The following CCDC7 variants were observed in gnomAD, a reference collection of about 807,000 sequenced individuals.
CCDC7 encodes the protein coiled-coil domain-containing protein 7.
CCDC7 carries 183 observed loss-of-function variants against 196.9 expected under a neutral mutation model. That is an observed-to-expected ratio of 0.93 (90% CI 0.82 to 1.05). The LOEUF (loss-of-function observed/expected upper bound fraction) is 1.05. CCDC7 is among the 50% of genes least tolerant of loss of function. The pLI, the probability that CCDC7 is intolerant of heterozygous loss-of-function variation, is 0.00. For missense variants in CCDC7, 1,540 were observed against 1,482.2 expected (o/e 1.04, Z -0.64); for synonymous variants, 525 against 484.6 (o/e 1.08, Z -1.10).
intron 23 of CCDC7, among the ~76,000 whole-genome samples, chr10:32,689,875 T>C (rs1304671962): frequency 6.6e-6 from 1 of 152,006 alleles, no homozygotes; most frequent in African/African-American, 2.4e-5. Flanking sequence ...GCTGAGATTA[T>C]AGGCACACAC....
chr10:32,704,243 T>G (rs1009945625), intron 24 of CCDC7, among the ~76,000 whole-genome samples: 2 of 152,190 alleles, frequency 1.3e-5, no homozygotes, highest in Non-Finnish European at 2.9e-5. Context: ...GACCCTCAGC[T>G]GCAGGTCTGT....
At chr10:32,834,873 C>A in exon 33 of CCDC7, 1 of 1,447,458 alleles carries the variant, frequency 6.9e-7, no homozygotes, top group South Asian at 1.2e-5. Flanking sequence ...AGCATCTAAT[C>A]AACATACAGT....
At chr10:32,714,753 C>G (rs2081332152) in intron 25 of CCDC7, among the ~76,000 whole-genome samples, 1 of 152,104 alleles carries the variant, frequency 6.6e-6, no homozygotes, top group Admixed American at 6.5e-5. Context: ...GGTGGTTTTC[C>G]CCTCACAGTG....
At chr10:32,838,189 C>T (rs962240485) in intron 33 of CCDC7, among the ~76,000 whole-genome samples, 2 of 151,970 alleles carry the variant, frequency 1.3e-5, no homozygotes, top group Non-Finnish European at 2.9e-5. Flanking sequence ...CCCAGATTGC[C>T]AGAACAAAAT....
chr10:32,766,126 A>C (rs1195468746), intron 28 of CCDC7, among the ~76,000 whole-genome samples: 1 of 152,022 alleles, frequency 6.6e-6, no homozygotes, highest in Non-Finnish European at 1.5e-5. Context: ...AGAAGGTGGG[A>C]CATGAATCCA....
At chr10:32,771,119 GTTAA>G (rs1319138326) in intron 28 of CCDC7, among the ~76,000 whole-genome samples, 3 of 152,224 alleles carry the variant, frequency 2.0e-5, no homozygotes, top group East Asian at 1.9e-4. Flanking sequence ...TCTTCATCAT[GTTAA>G]TTGTTACCTG....
Position 32,690,435 on chromosome 10 carries a change from T to G in CCDC7, c.2344+1272T>G, listed in dbSNP as rs149264884. On this transcript the variant is annotated intron_variant, in intron 23 of 41. Transcript: ENST00000639629. ...AGTGAAAAAAAGATATGGACAGGCA[T>G]TTGAGGTGTCAGTTGTTGCAAACAA... is the stretch of plus-strand genomic sequence containing the variant. 8.7e-4 allele frequency among the ~76,000 whole-genome samples: 132 copies of G among 152,258 alleles called. 1 individual carries two copies. The highest frequency in any genetic ancestry group is 2.9e-3 in the African/African-American group (120 of 41,546).
In CCDC7 at chr10:32,456,153, A is replaced by G. The variant is rs567205297; in HGVS notation, c.373-98A>G. On this transcript the variant is annotated intron_variant, in intron 2 of 41. Transcript: ENST00000639629. ...ATGTTTGAAGGGACATAAATTACAC[A>G]AAATTAAAATTTTTCAAAAAGTAAA... The G allele has an allele frequency of 1.4e-4, 169 of 1,185,428 alleles. No individual in the cohort carries two copies. The African/African-American group carries it at 2.3e-3, about 16-fold the overall frequency. 73.4% of individuals were successfully genotyped at this position (1,185,428 alleles called of 1,614,324 possible). A position where few individuals can be genotyped will look rare whatever the true frequency, so the allele number is the denominator to read the frequency against.
In CCDC7 at chr10:32,453,486, A is replaced by AT. The variant is rs762137256; in HGVS notation, c.372+54dup. ...GAGACATTAACACTGAAAAGGGTCGATTTTCTTTTTAAAAATATAAATTTA... is the reference window on the plus strand; with the variant it reads ...GAGACATTAACACTGAAAAGGGTCGATTTTTCTTTTTAAAAATATAAATTTA... On this transcript the variant is annotated intron_variant, in intron 2 of 41. Coordinates refer to ENST00000639629, the Ensembl canonical transcript of CCDC7. 3.2e-6 allele frequency: 4 copies of AT among 1,237,020 alleles called. No individual in the cohort carries two copies. In the African/African-American group the frequency reaches 4.7e-5, roughly 15 times the overall value. 76.6% of individuals were successfully genotyped at this position (1,237,020 alleles called of 1,614,324 possible).
At position 32,823,291 on chromosome 10, in the gene CCDC7, G is replaced by A. The variant is rs184763274; in HGVS notation, c.3182-1227G>A. On this transcript the variant is annotated intron_variant, in intron 31 of 41. Coordinates refer to ENST00000639629, the Ensembl canonical transcript of CCDC7. ...CTAAGTAGCTGGGACTAAGGCGCAC[G>A]CCACCACGCCCTGCTAATTTTTGTG... 1.4e-4 allele frequency among the ~76,000 whole-genome samples: 22 copies of A among 152,002 alleles called. No individual in the cohort carries two copies. In the East Asian group the frequency reaches 1.9e-3, roughly 13 times the overall value.
At chr10:32,513,964 A>G (rs2046633182) in intron 9 of CCDC7, 1 of 152,180 alleles carries the variant, frequency 6.6e-6, no homozygotes, top group African/African-American at 2.4e-5. Flanking sequence ...ATTCATCATT[A>G]TAGTGGAGGT....
intron 32 of CCDC7, among the ~76,000 whole-genome samples, chr10:32,827,208 T>G (rs945928438): frequency 6.6e-6 from 1 of 152,190 alleles, no homozygotes; most frequent in African/African-American, 2.4e-5. Flanking sequence ...ATGGAGGTTA[T>G]ACATGGGCTC....
chr10:32,472,838 C>G (rs1337823507), intron 7 of CCDC7, among the ~76,000 whole-genome samples: 2 of 152,016 alleles, frequency 1.3e-5, no homozygotes, highest in Non-Finnish European at 2.9e-5. Context: ...TCAAGTGATC[C>G]TCCCACCTCG....
At position 32,738,472 on chromosome 10, in the gene CCDC7, ACTTTT is replaced by A. The variant is rs1290152421; in HGVS notation, c.2905+9016_2905+9020del. On this transcript the variant is annotated intron_variant, in intron 28 of 41. Coordinates refer to ENST00000639629, the Ensembl canonical transcript of CCDC7. The stretch of plus-strand genomic sequence containing the variant: ...AAAAGAATATAAAATGGTTTCTTTC[ACTTTT>A]TTTTTTTTTTTTTTTTTGACAGGGC... Among the ~76,000 whole-genome samples, 3 of 102,960 alleles carry A rather than the reference ACTTTT, an allele frequency of 2.9e-5. No homozygotes were observed. The Admixed American group carries it at 3.4e-4, about 12-fold the overall frequency. 67.5% of individuals were successfully genotyped at this position (102,960 alleles called of 152,430 possible).
chr10:32,714,696 T>C (rs2081321650), intron 25 of CCDC7, among the ~76,000 whole-genome samples: 1 of 152,124 alleles, frequency 6.6e-6, no homozygotes, highest in Non-Finnish European at 1.5e-5. Context: ...CCTGGGATGC[T>C]CAAGCTTGGT....
intron 29 of CCDC7, among the ~76,000 whole-genome samples, chr10:32,780,260 C>T (rs1453674660): frequency 6.6e-6 from 1 of 151,980 alleles, no homozygotes; most frequent in Admixed American, 6.6e-5. Context: ...CCAGAATTCT[C>T]CAGGTTAAAA....
chr10:32,492,949 TA>T (rs1435570245), intron 9 of CCDC7, among the ~76,000 whole-genome samples: 3 of 152,170 alleles, frequency 2.0e-5, no homozygotes, highest in Non-Finnish European at 1.5e-5. Flanking sequence ...ATAAATGTTT[TA>T]TTTTTTATTG....
At chr10:32,803,439 A>G (rs1046964554) in intron 29 of CCDC7, among the ~76,000 whole-genome samples, 13 of 152,148 alleles carry the variant, frequency 8.5e-5, no homozygotes, top group African/African-American at 3.1e-4. Flanking sequence ...AGCTTTTTAT[A>G]TATTTATAAT....
chr10:32,817,566 A>G (rs1370004584), intron 31 of CCDC7, among the ~76,000 whole-genome samples: 1 of 152,196 alleles, frequency 6.6e-6, no homozygotes, highest in South Asian at 2.1e-4. Context: ...TGAAGGAAAA[A>G]ATGTTAAGGG....
Sources: allele counts gnomAD v4.1 joint callset (sites outside exome capture counted in the v4.1 genomes callset), GRCh38; gene constraint gnomAD v4.1.1; transcripts MANE v1.5; gene names NCBI Gene and HGNC (gene_info 2026-07-23, HGNC 2026-07-21).